Variants in SIRPG observed in about 807,000 individuals in gnomAD.
SIRPG encodes the protein signal regulatory protein gamma, also known as signal-regulatory protein gamma.
Under a neutral mutation model 35.7 loss-of-function variants are expected in SIRPG, and 38 were observed. The ratio of observed to expected loss-of-function variants is 1.06; its 90% confidence interval spans 0.82 to 1.40. SIRPG has a LOEUF of 1.40. SIRPG is among the 40% of genes most tolerant of loss of function. The probability of loss-of-function intolerance (pLI) is 0.00; values close to 1 mark genes in which losing one functional copy is unlikely to be tolerated. For missense variants in SIRPG, 519 were observed against 483.0 expected (o/e 1.07, Z -0.70); for synonymous variants, 215 against 190.4 (o/e 1.13, Z -1.06).
intron 2 of SIRPG, chr20:1,647,614 G>T (rs2091907422): frequency 6.6e-6 from 1 of 152,248 alleles, no homozygotes; most frequent in Non-Finnish European, 1.5e-5. Flanking sequence ...CTGCAGGATT[G>T]TTAGTAGCTC....
chr20:1,681,433 G>A, the SIRPG span, among the ~76,000 whole-genome samples: 20 of 152,176 alleles, frequency 1.3e-4, no homozygotes, highest in Admixed American at 1.3e-3. Flanking sequence ...TGTGTGTGGT[G>A]GGGGGCAGGG....
intron 4 of SIRPG, among the ~76,000 whole-genome samples, chr20:1,633,321 A>G (rs982233427): frequency 6.6e-6 from 1 of 152,244 alleles, no homozygotes; most frequent in African/African-American, 2.4e-5. Flanking sequence ...GCATTTAAAT[A>G]TGAATTAAAA....
At position 1,649,171 on chromosome 20, in the gene SIRPG, A is replaced by G. The variant is rs1203086520; in HGVS notation, c.311T>C (p.Ile104Thr). 3.7e-6 allele frequency: 6 copies of G among 1,613,986 alleles called. No homozygotes were observed. The highest frequency in any genetic ancestry group is 3.3e-5 in the Admixed American group (2 of 59,992). ...LTKRNNMDFS[I>T]RISSITPADV... ...TGCTGGGGTGATGCTACTGATGCGG[A>G]TGGAAAAGTCCATGTTGTTTCTCTT... The change falls in exon 2 of 6, where the codon ATC (isoleucine) becomes ACC (threonine). Residue 104 changes from isoleucine (I) to threonine (T), a missense_variant. Coordinates refer to ENST00000303415, the MANE Select transcript of SIRPG (RefSeq NM_018556.4).
chr20:1,657,492 C>T (rs1163945382), intron 1 of SIRPG, 150 bp downstream of exon 1: 2 of 766,462 alleles, frequency 2.6e-6, no homozygotes, highest in Non-Finnish European at 4.4e-6. Context: ...AGAGAAAGTG[C>T]TCAGCTCCCT....
chr20:1,637,224 A>G (rs552676129), intron 2 of SIRPG: 7 of 195,960 alleles, frequency 3.6e-5, no homozygotes, highest in African/African-American at 1.7e-4. Flanking sequence ...TTGAAAGAAA[A>G]TGAAGTAGTT....
the SIRPG span, among the ~76,000 whole-genome samples, chr20:1,683,175 T>C: frequency 2.2e-3 from 335 of 152,318 alleles, no homozygotes; most frequent in Non-Finnish European, 3.6e-3. Context: ...ATCAGAGAAA[T>C]GCAAATTAAA....
chr20:1,684,682 A>C, the SIRPG span, among the ~76,000 whole-genome samples: 2 of 152,224 alleles, frequency 1.3e-5, no homozygotes, highest in African/African-American at 4.8e-5. Flanking sequence ...ATATTTCTAC[A>C]AGTAGCATAA....
intron 1 of SIRPG, among the ~76,000 whole-genome samples, chr20:1,655,826 G>T (rs2091971704): frequency 6.6e-6 from 1 of 151,762 alleles, no homozygotes; most frequent in African/African-American, 2.4e-5. Context: ...TATTTATTTT[G>T]TTAAAAATTT....
Position 1,640,256 on chromosome 20 carries a change from AT to A in SIRPG, c.431-3752del, listed in dbSNP as rs1198306426. ...ATCCATGAGCATGGAATGTTTTTCC[AT>A]TTTTTTGTGTCCTCTCTTATTTCTT... On this transcript the variant is annotated intron_variant, in intron 2 of 5. Transcript: ENST00000303415. 3.9e-5 allele frequency among the ~76,000 whole-genome samples: 6 copies of A among 152,066 alleles called. No individual in the cohort carries two copies. The East Asian group carries it at 9.7e-4, about 24-fold the overall frequency.
At chr20:1,680,099 A>G in the SIRPG span, among the ~76,000 whole-genome samples, 1 of 152,250 alleles carries the variant, frequency 6.6e-6, no homozygotes, top group Non-Finnish European at 1.5e-5. Context: ...TAGTGGCAAC[A>G]TATTCTTTTA....
At chr20:1,669,217 G>A in the SIRPG span, among the ~76,000 whole-genome samples, 11 of 152,272 alleles carry the variant, frequency 7.2e-5, no homozygotes, top group South Asian at 2.1e-4. Context: ...ACCTTGATTC[G>A]TTTAGACTAA....
chr20:1,663,070 T>C, the SIRPG span, among the ~76,000 whole-genome samples: 8 of 151,138 alleles, frequency 5.3e-5, no homozygotes, highest in Non-Finnish European at 1.2e-4. Context: ...TCCCAGCACG[T>C]TGGGAGGCCA....
In SIRPG at chr20:1,649,405, A is replaced by T. The variant is rs1183850080; in HGVS notation, c.77T>A (p.Val26Glu). 6.3e-7 allele frequency: 1 copy of T among 1,599,316 alleles called. No individual in the cohort carries two copies. Among genetic ancestry groups the T allele is most frequent in the Non-Finnish European group, 8.5e-7 (1 of 1,171,242 alleles). Residue 26 changes from valine (V) to glutamate (E), a missense_variant, in exon 2 of 6, where the codon GTG becomes GAG. Val to Glu is a moderately radical substitution (Grantham distance 121, BLOSUM62 -2). Coordinates refer to ENST00000303415, the MANE Select transcript of SIRPG (RefSeq NM_018556.4). ...CATCTGTAGCTCCTCCTCACCTGCC[A>T]CTTCTGAAAAGGAGCACAAAGCAAT... The part of the protein sequence containing the change: ...LLTLLLGLTE[V>E]AGEEELQMIQ...
At chr20:1,630,188 A>T (rs968577990) in intron 5 of SIRPG, 34 bp downstream of exon 5, 5 of 1,494,896 alleles carry the variant, frequency 3.3e-6, no homozygotes, top group Non-Finnish European at 3.6e-6. Context: ...CTTCTGAGAC[A>T]GCCCTTGGTC....
intron 2 of SIRPG, chr20:1,647,543 A>C (rs2091906833): frequency 6.6e-6 from 1 of 152,254 alleles, no homozygotes; most frequent in Non-Finnish European, 1.5e-5. Flanking sequence ...CTGACTTAGC[A>C]ATGTCACTTC....
Position 1,649,348 on chromosome 20 carries a change from A to G in SIRPG, c.134T>C (p.Val45Ala), listed in dbSNP as rs775245375. 168 of 1,613,788 alleles carry G rather than the reference A, an allele frequency of 1.0e-4. No homozygotes were observed. The highest frequency in any genetic ancestry group is 1.8e-4 in the Admixed American group (11 of 59,968). The change falls in exon 2 of 6, where the codon GTT becomes GCT. Residue 45 changes from valine to alanine, a missense_variant. By Grantham distance (64) the Val-to-Ala change is moderately conservative. Coordinates refer to ENST00000303415, the MANE Select transcript of SIRPG (RefSeq NM_018556.4). Reference protein sequence around the residue: ...IQPEKLLLVTVGKTATLHCTV... With the variant: ...IQPEKLLLVTAGKTATLHCTV... ...GCAGTGCAGAGTGGCTGTCTTTCCA[A>G]CTGTGACCAACAGGAGCTTCTCAGG...
chr20:1,634,053 G>C (rs1475107277), intron 4 of SIRPG, among the ~76,000 whole-genome samples: 1 of 152,062 alleles, frequency 6.6e-6, no homozygotes, highest in Admixed American at 6.5e-5. Flanking sequence ...AGACTTACTG[G>C]GTGGTTGAAG....
At chr20:1,669,744 G>T in the SIRPG span, among the ~76,000 whole-genome samples, 6 of 152,156 alleles carry the variant, frequency 3.9e-5, no homozygotes, top group African/African-American at 1.4e-4. Flanking sequence ...ACCAAGTTGT[G>T]CATCAAAATC....
chr20:1,671,941 C>A, the SIRPG span, among the ~76,000 whole-genome samples: 1 of 152,310 alleles, frequency 6.6e-6, no homozygotes. Flanking sequence ...ATGGCCATCA[C>A]GAACATGTAA....
Sources: gnomAD v4.1 joint callset for allele counts (sites outside exome capture counted in the v4.1 genomes callset) on GRCh38, gnomAD v4.1.1 for gene constraint, MANE v1.5 for transcripts, NCBI Gene and HGNC (gene_info 2026-07-23, HGNC 2026-07-21) for gene names.